Variants in NLGN4Y observed in about 807,000 individuals in gnomAD.
The protein encoded by NLGN4Y is neuroligin 4 Y-linked, also known as neuroligin-4, Y-linked.
NLGN4Y carries 4 observed loss-of-function variants against 8.4 expected under a neutral mutation model. The ratio of observed to expected loss-of-function variants is 0.48; its 90% CI spans 0.23 to 1.09. The LOEUF is 1.09. Among genes scored for constraint, NLGN4Y ranks in the 50% least tolerant of loss-of-function variants. NLGN4Y has a pLI of 0.19. For missense variants in NLGN4Y, 90 were observed against 192.3 expected (o/e 0.47, Z 3.15); for synonymous variants, 35 against 75.6 (o/e 0.46, Z 2.78).
intron 1 of NLGN4Y, among the ~76,000 whole-genome samples, chrY:14,545,157 C>G (rs2080165721): frequency 6.3e-4 from 21 of 33,264 alleles, no homozygotes; most frequent in Admixed American, 8.4e-4. Flanking sequence ...ATATGTGCCA[C>G]AGTTTCTTAA....
chrY:14,813,423 G>A (rs773728105), intron 4 of NLGN4Y, among the ~76,000 whole-genome samples: 704 of 33,156 alleles, frequency 0.021, no homozygotes, highest in Middle Eastern at 0.042. Context: ...CCCAAAATTC[G>A]AAGGCTTGAG....
intron 2 of NLGN4Y, chrY:14,640,328 G>A: frequency 8.2e-6 from 1 of 121,464 alleles, no homozygotes; most frequent in Admixed American, 1.1e-4. Context: ...ATCCCAGGAA[G>A]AGAGAATAGA....
intron 4 of NLGN4Y, among the ~76,000 whole-genome samples, chrY:14,784,268 G>A (rs559532155): frequency 0.026 from 890 of 33,784 alleles, no homozygotes; most frequent in Middle Eastern, 0.19. Context: ...ATTGTGGAAT[G>A]CCGTGTGATA....
chrY:14,567,854 G>C, intron 1 of NLGN4Y, among the ~76,000 whole-genome samples: 1 of 32,884 alleles, frequency 3.0e-5, no homozygotes, highest in Non-Finnish European at 7.4e-5. Flanking sequence ...GAATTTGAGG[G>C]ATAGTATAGT....
Position 14,723,265 on chromosome Y carries a change from A to G in NLGN4Y, c.681A>G (p.Ile227Met). 2.5e-6 allele frequency: 1 copy of G among 397,282 alleles called. No homozygotes were observed. Among genetic ancestry groups the G allele is most frequent in the Non-Finnish European group, 3.5e-6 (1 of 282,424 alleles). ...IVITINYRLG[I>M]LGFLSTGDQA... ...TCACCATTAACTACCGTCTGGGAAT[A>G]CTAGGTAAGTGATTTCATCATGTGA... is the stretch of plus-strand genomic sequence containing the variant. The change falls in exon 4 of 7, where the codon ATA (isoleucine) becomes ATG (methionine). Residue 227 changes from isoleucine (I) to methionine (M), a missense_variant. By Grantham distance (10) the Ile-to-Met change is conservative (BLOSUM62 1). This residue lies in a region of NLGN4Y where 16 missense variants were observed against 37.6 expected (regional missense o/e 0.43). Transcript: ENST00000684976.
intron 2 of NLGN4Y, among the ~76,000 whole-genome samples, chrY:14,654,784 ATCTC>A (rs2080643790): frequency 9.3e-5 from 3 of 32,355 alleles, no homozygotes; most frequent in Admixed American, 2.9e-4. Flanking sequence ...ACTCTTTGGC[ATCTC>A]TCTCTCTCAA....
At chrY:14,637,337 G>A in intron 2 of NLGN4Y, among the ~76,000 whole-genome samples, 1 of 33,737 alleles carries the variant, frequency 3.0e-5, no homozygotes, top group Admixed American at 2.7e-4. Flanking sequence ...AGTTCTGAAA[G>A]TCTTAGAAAA....
At chrY:14,600,101 C>G (rs897259582) in intron 1 of NLGN4Y, among the ~76,000 whole-genome samples, 1 of 32,086 alleles carries the variant, frequency 3.1e-5, no homozygotes, top group Non-Finnish European at 7.5e-5. Context: ...TTTCCCCCCT[C>G]TTGCTCTTTC....
intron 4 of NLGN4Y, among the ~76,000 whole-genome samples, chrY:14,789,916 C>T (rs2042979702): frequency 3.0e-5 from 1 of 33,842 alleles, no homozygotes; most frequent in Non-Finnish European, 7.3e-5. Flanking sequence ...AAAAAAATAA[C>T]ATCTTCACAG....
At chrY:14,796,788 A>G in intron 4 of NLGN4Y, among the ~76,000 whole-genome samples, 1 of 32,479 alleles carries the variant, frequency 3.1e-5, no homozygotes, top group Non-Finnish European at 7.5e-5. Context: ...TTGGTCAAAG[A>G]GCATAAACAG....
intron 4 of NLGN4Y, among the ~76,000 whole-genome samples, chrY:14,761,765 G>A: frequency 5.9e-5 from 2 of 33,877 alleles, no homozygotes; most frequent in African/African-American, 2.3e-4. Context: ...CTTGTCCTGC[G>A]CATTGTAAAT....
chrY:14,557,378 A>G, intron 1 of NLGN4Y, among the ~76,000 whole-genome samples: 1 of 33,425 alleles, frequency 3.0e-5, no homozygotes, highest in Non-Finnish European at 7.4e-5. Flanking sequence ...CAGAATGAAG[A>G]CGCAACCTCC....
At chrY:14,771,505 G>A in intron 4 of NLGN4Y, among the ~76,000 whole-genome samples, 1 of 32,964 alleles carries the variant, frequency 3.0e-5, no homozygotes, top group Admixed American at 2.7e-4. Flanking sequence ...AATGCTGAGC[G>A]ATTTTGTCAC....
At position 14,639,965 on chromosome Y, in the gene NLGN4Y, G is replaced by A. The variant is rs1026035618; in HGVS notation, c.472+17374G>A. 11 of 119,966 alleles carry A rather than the reference G, an allele frequency of 9.2e-5. No individual in the cohort carries two copies. In the East Asian group the frequency reaches 1.9e-3, roughly 21 times the overall value. The allele number at this position is 119,966 out of a possible 400,897, so 29.9% of individuals were successfully genotyped here. A position where few individuals can be genotyped will look rare whatever the true frequency, so the allele number is the denominator to read the frequency against. On this transcript the variant is annotated intron_variant, in intron 2 of 6. Transcript: ENST00000684976. ...GTCTTACATCCTACTGGGCACAACCGGAGCATGCCCTTTCCCAAGATGTGA... is the reference window on the plus strand; with the variant it reads ...GTCTTACATCCTACTGGGCACAACCAGAGCATGCCCTTTCCCAAGATGTGA...
At position 14,569,455 on chromosome Y, in the gene NLGN4Y, G is replaced by A; in HGVS notation, c.-112+44747G>A. On this transcript the variant is annotated intron_variant, in intron 1 of 6. Transcript: ENST00000684976. ...TTCTGCAAAGGACCTGATTTTGTTC[G>A]TTTTCATGGTTGCATAGTATTCCAC... Among the ~76,000 whole-genome samples the A allele has an allele frequency of 2.7e-4, 9 of 33,246 alleles. No individual in the cohort carries two copies. The South Asian group carries it at 4.8e-3, about 18-fold the overall frequency. The allele number at this position is 33,246 out of a possible 37,273, so 89.2% of individuals were successfully genotyped here. A position where few individuals can be genotyped will look rare whatever the true frequency, so the allele number is the denominator to read the frequency against.
chrY:14,712,726 C>T, intron 2 of NLGN4Y, among the ~76,000 whole-genome samples: 1 of 33,451 alleles, frequency 3.0e-5, no homozygotes, highest in East Asian at 7.9e-4. Flanking sequence ...CCTTTTTCAG[C>T]GTGGCTATGT....
At chrY:14,576,348 A>G in intron 1 of NLGN4Y, among the ~76,000 whole-genome samples, 1 of 33,603 alleles carries the variant, frequency 3.0e-5, no homozygotes, top group Admixed American at 2.7e-4. Flanking sequence ...CTGCTGTGCT[A>G]GCAATGAGTG....
intron 2 of NLGN4Y, among the ~76,000 whole-genome samples, chrY:14,662,163 G>T (rs2080677006): frequency 3.0e-5 from 1 of 33,580 alleles, no homozygotes; most frequent in African/African-American, 1.2e-4. Context: ...CTAATTGAGT[G>T]ATTTTCTGAT....
At chrY:14,830,571 C>A (rs1219030864) in intron 6 of NLGN4Y, 52 bp downstream of exon 6, 1 of 359,071 alleles carries the variant, frequency 2.8e-6, no homozygotes, top group Admixed American at 7.6e-5. Context: ...TTGTTTGGTT[C>A]CTCAGTATAA....
Sources: gnomAD v4.1 joint callset for allele counts (sites outside exome capture counted in the v4.1 genomes callset) on GRCh38, gnomAD v4.1.1 for gene constraint, gnomAD v4.1.1 regional missense constraint, MANE v1.5 for transcripts, NCBI Gene and HGNC (gene_info 2026-07-23, HGNC 2026-07-21) for gene names.